The following ZBTB20 variants were observed in gnomAD, a reference collection of about 807,000 sequenced individuals.
ZBTB20 encodes zinc finger and BTB domain-containing protein 20.
Under a neutral mutation model 56.9 loss-of-function variants are expected in ZBTB20, and 9 were observed. The ratio of observed to expected loss-of-function variants is 0.16; its 90% CI spans 0.10 to 0.28. The LOEUF is 0.28. Among genes scored for constraint, ZBTB20 ranks in the 10% least tolerant of loss-of-function variants. The pLI is 1.00. For synonymous variants in ZBTB20, 417 were observed against 420.7 expected (o/e 0.99, Z 0.11); for missense variants, 655 against 1,003.0 (o/e 0.65, Z 4.69).
intron 6 of ZBTB20, chr3:114,519,687 G>A (rs537354938): frequency 6.6e-6 from 1 of 152,270 alleles, no homozygotes; most frequent in East Asian, 1.9e-4. Flanking sequence ...ATTGTGATTG[G>A]TGGGAAAGAT....
intron 7 of ZBTB20, among the ~76,000 whole-genome samples, chr3:114,424,675 C>T (rs1304559229): frequency 2.0e-5 from 3 of 152,168 alleles, no homozygotes; most frequent in Non-Finnish European, 4.4e-5. Flanking sequence ...AACCTCCATC[C>T]CCTGCACGAT....
At chr3:115,019,351 G>T (rs914632881) in intron 2 of ZBTB20, among the ~76,000 whole-genome samples, 1 of 151,198 alleles carries the variant, frequency 6.6e-6, no homozygotes, top group Admixed American at 6.6e-5. Flanking sequence ...TGAAATCATG[G>T]TATTTTAAAC....
intron 2 of ZBTB20, among the ~76,000 whole-genome samples, chr3:115,009,337 C>T (rs1386812472): frequency 6.6e-6 from 1 of 151,902 alleles, no homozygotes; most frequent in Non-Finnish European, 1.5e-5. Flanking sequence ...ATCCTGTAAG[C>T]TTTTATTCCA....
chr3:115,114,106 G>C (rs1161560610), intron 1 of ZBTB20, among the ~76,000 whole-genome samples: 2 of 152,134 alleles, frequency 1.3e-5, no homozygotes, highest in African/African-American at 2.4e-5. Flanking sequence ...TTGGGGCTCT[G>C]TTTATCAACA....
At chr3:114,522,800 T>C (rs1260743437) in intron 6 of ZBTB20, among the ~76,000 whole-genome samples, 1 of 152,194 alleles carries the variant, frequency 6.6e-6, no homozygotes, top group Non-Finnish European at 1.5e-5. Flanking sequence ...GGAGCGTTAT[T>C]TACCAATATT....
chr3:114,333,619 T>C lies in ZBTB20; in HGVS notation c.*5386A>G, dbSNP rs1385182702. Reference sequence around the variant, plus strand: ...ATTGAAATTCTAGTGCACCCCTCCTTTTGTTTGTCACCAAGTCACATGGTT... The same window carrying C: ...ATTGAAATTCTAGTGCACCCCTCCTCTTGTTTGTCACCAAGTCACATGGTT... On this transcript the variant is annotated 3_prime_UTR_variant, in exon 12 of 12. Transcript: ENST00000675478. The C allele has an allele frequency of 6.6e-6, 1 of 152,206 alleles. No homozygotes were observed. The highest frequency in any genetic ancestry group is 1.9e-4 in the East Asian group (1 of 5,200). The allele number at this position is 152,206 out of a possible 1,614,324, so 9.4% of individuals were successfully genotyped here.
In ZBTB20 at chr3:114,582,322, T is replaced by C. The variant is rs185752256; in HGVS notation, c.-294-81931A>G. ...AAACAAATGTTCCAAATTATTAAAC[T>C]TCGTTTAACCTGGGTTCTGGATTCT... On this transcript the variant is annotated intron_variant, in intron 6 of 11. Coordinates refer to ENST00000675478, the MANE Select transcript of ZBTB20 (RefSeq NM_001348800.3). 3.3e-4 allele frequency: 51 copies of C among 152,252 alleles called. 1 individual carries two copies. Among genetic ancestry groups the C allele is most frequent in the Admixed American group, 3.3e-3 (51 of 15,296 alleles). 9.4% of individuals were successfully genotyped at this position (152,252 alleles called of 1,614,324 possible). A position where few individuals can be genotyped will look rare whatever the true frequency, so the allele number is the denominator to read the frequency against.
rs995245120 is a variant in ZBTB20 at position 114,328,585 on chromosome 3, T to C, written c.*10420A>G. The C allele has an allele frequency of 4.6e-5, 7 of 152,304 alleles. No homozygotes were observed. Among genetic ancestry groups the C allele is most frequent in the African/African-American group, 7.2e-5 (3 of 41,572 alleles). The allele number at this position is 152,304 out of a possible 1,614,324, so 9.4% of individuals were successfully genotyped here. A position where few individuals can be genotyped will look rare whatever the true frequency, so the allele number is the denominator to read the frequency against. On this transcript the variant is annotated 3_prime_UTR_variant, in exon 12 of 12. Transcript: ENST00000675478. ...GAATTAATGACCTCAGCTAGTACAG[T>C]TGACATTTAAAACTGTGACTCAGGT... is the stretch of plus-strand genomic sequence containing the variant.
chr3:114,555,520 CAT>C (rs1245682416), intron 6 of ZBTB20, among the ~76,000 whole-genome samples: 3 of 152,096 alleles, frequency 2.0e-5, no homozygotes, highest in Admixed American at 6.6e-5. Flanking sequence ...CACTAGTTCA[CAT>C]GTCATTTGTC....
In ZBTB20 at chr3:114,745,059, T is replaced by A. The variant is rs1185169930; in HGVS notation, c.-342-51484A>T. On this transcript the variant is annotated intron_variant, in intron 5 of 11. Coordinates refer to ENST00000675478, the MANE Select transcript of ZBTB20 (RefSeq NM_001348800.3). ...CTCTGTTAATGTGTGGCAGAGAAAC[T>A]ACAGTTAAGACATACAGTAATATAC... 5.9e-5 allele frequency among the ~76,000 whole-genome samples: 9 copies of A among 152,222 alleles called. 1 individual carries two copies. The highest frequency in any genetic ancestry group is 5.9e-4 in the Admixed American group (9 of 15,270).
intron 8 of ZBTB20, among the ~76,000 whole-genome samples, chr3:114,386,185 T>C (rs897853777): frequency 4.6e-5 from 7 of 152,214 alleles, no homozygotes; most frequent in African/African-American, 1.2e-4. Flanking sequence ...TCGTGTTTTC[T>C]TGCAATTTAT....
chr3:114,715,477 G>C (rs1052015974), intron 5 of ZBTB20, among the ~76,000 whole-genome samples: 1 of 152,202 alleles, frequency 6.6e-6, no homozygotes, highest in Non-Finnish European at 1.5e-5. Flanking sequence ...AGCAAAGAGA[G>C]TGTGGGGTAG....
chr3:114,465,710 A>C (rs1470885747), intron 7 of ZBTB20, among the ~76,000 whole-genome samples: 2 of 152,050 alleles, frequency 1.3e-5, no homozygotes, highest in African/African-American at 4.8e-5. Context: ...CTGTCTTAAA[A>C]AAAAAAAAGA....
intron 4 of ZBTB20, among the ~76,000 whole-genome samples, chr3:114,819,271 G>T (rs767509098): frequency 6.6e-6 from 1 of 151,910 alleles, no homozygotes; most frequent in Non-Finnish European, 1.5e-5. Flanking sequence ...ATATTGCAAA[G>T]ATACTAATAC....
At chr3:114,566,021 T>TTTTTTTA (rs1488610366) in intron 6 of ZBTB20, among the ~76,000 whole-genome samples, 1 of 151,782 alleles carries the variant, frequency 6.6e-6, no homozygotes, top group Non-Finnish European at 1.5e-5. Context: ...TTTCTTTTTT[T>TTTTTTTA]AAAAGAAACC....
chr3:114,390,282 T>C (rs1222627037), intron 7 of ZBTB20, among the ~76,000 whole-genome samples: 2 of 152,204 alleles, frequency 1.3e-5, no homozygotes, highest in Non-Finnish European at 2.9e-5. Flanking sequence ...GATTTCCTTC[T>C]TTTTGAAGGC....
At chr3:114,696,022 C>T (rs1336921815) in intron 5 of ZBTB20, among the ~76,000 whole-genome samples, 1 of 151,916 alleles carries the variant, frequency 6.6e-6, no homozygotes, top group Non-Finnish European at 1.5e-5. Context: ...TATATATATA[C>T]TAGCTTAGTC....
intron 7 of ZBTB20, among the ~76,000 whole-genome samples, chr3:114,408,980 T>A (rs2087634867): frequency 6.6e-6 from 1 of 151,930 alleles, no homozygotes; most frequent in African/African-American, 2.4e-5. Flanking sequence ...GTCCTCGCCT[T>A]CATACATCAC....
intron 5 of ZBTB20, among the ~76,000 whole-genome samples, chr3:114,729,420 T>C (rs1303524663): frequency 6.6e-6 from 1 of 152,192 alleles, no homozygotes; most frequent in Non-Finnish European, 1.5e-5. Flanking sequence ...TTAACCTATC[T>C]CTTTTTATTT....
Sources: allele counts gnomAD v4.1 joint callset (sites outside exome capture counted in the v4.1 genomes callset), GRCh38; gene constraint gnomAD v4.1.1; transcripts MANE v1.5; gene names NCBI Gene and HGNC (gene_info 2026-07-23, HGNC 2026-07-21).